The following SRGAP1 variants were observed in gnomAD, a reference collection of about 807,000 sequenced individuals.
The protein encoded by SRGAP1 is SLIT-ROBO Rho GTPase-activating protein 1.
A neutral mutation model predicts 121.9 loss-of-function variants in SRGAP1; 43 were observed. The ratio of observed to expected loss-of-function variants is 0.35; its 90% CI spans 0.28 to 0.46. The LOEUF is 0.46. SRGAP1 is among the 20% of genes least tolerant of loss of function. The pLI is 1.00. For synonymous variants in SRGAP1, 447 were observed against 485.4 expected, an observed-to-expected ratio of 0.92 and a Z score of 1.04; for missense variants, 1,102 against 1,350.9, an observed-to-expected ratio of 0.82 and a Z score of 2.89.
rs577007456 is a variant in SRGAP1, at chr12:64,020,614, G to A, written c.489+3602G>A. Among the ~76,000 whole-genome samples, 244 of 152,198 alleles carry A rather than the reference G, an allele frequency of 1.6e-3. 1 individual carries two copies. Among genetic ancestry groups the A allele is most frequent in the African/African-American group, 5.3e-3 (218 of 41,520 alleles). On this transcript the variant is annotated intron_variant, in intron 4 of 21. Coordinates refer to ENST00000355086, the MANE Select transcript of SRGAP1 (RefSeq NM_020762.4). The stretch of plus-strand genomic sequence containing the variant: ...TCCCAGAGCTTTGGGAGGCCAAGGC[G>A]GGTGGATCACCTGAGGTCAGGAGTT...
chr12:64,112,235 G>A (rs1052512553), intron 17 of SRGAP1, among the ~76,000 whole-genome samples: 4 of 152,030 alleles, frequency 2.6e-5, no homozygotes, highest in African/African-American at 9.7e-5. Context: ...AGACAAAAAG[G>A]GTTTTGATGT....
intron 21 of SRGAP1, among the ~76,000 whole-genome samples, chr12:64,128,907 T>G (rs1220389060): frequency 6.6e-6 from 1 of 152,102 alleles, no homozygotes; most frequent in Non-Finnish European, 1.5e-5. Context: ...ACTAATAAAT[T>G]TGCCCATCAT....
chr12:64,033,784 G>A (rs983214386), intron 4 of SRGAP1, among the ~76,000 whole-genome samples: 8 of 152,058 alleles, frequency 5.3e-5, no homozygotes, highest in Admixed American at 2.6e-4. Context: ...CACTTTGGGA[G>A]GCCAAGGCAG....
Position 64,160,384 on chromosome 12 carries a change from A to T in SRGAP1, c.*17712A>T, listed in dbSNP as rs2037200510. ...ATTGTGATAGTCTGGCTGAGTATAA[A>T]ATCTTACTTAGGATGTTAACTTAAA... On this transcript the variant is annotated 3_prime_UTR_variant, in exon 22 of 22. Transcript: ENST00000355086. 3 of 152,204 alleles carry T rather than the reference A, an allele frequency of 2.0e-5. No individual in the cohort carries two copies. The highest frequency in any genetic ancestry group is 6.5e-5 in the Admixed American group (1 of 15,274). The allele number at this position is 152,204 out of a possible 1,614,324, so 9.4% of individuals were successfully genotyped here.
chr12:64,095,394 A>G (rs550495256), intron 14 of SRGAP1, among the ~76,000 whole-genome samples, 190 bp downstream of exon 14: 2 of 152,330 alleles, frequency 1.3e-5, no homozygotes, highest in South Asian at 4.1e-4. Context: ...TTGTTATTAA[A>G]ATTAGAAAAG....
chr12:63,904,339 C>G (rs1266564731), intron 1 of SRGAP1, among the ~76,000 whole-genome samples: 2 of 152,104 alleles, frequency 1.3e-5, no homozygotes, highest in African/African-American at 2.4e-5. Flanking sequence ...ATGTGCAACT[C>G]CCGTGTTGTG....
In SRGAP1 at chr12:64,012,636, T is replaced by C. The variant is rs956749509; in HGVS notation, c.427-4314T>C. Reference sequence around the variant, plus strand: ...TGTATGCTCACAGCTCACTGCAGCCTCGAACTCTTAGGTTCAAGAGATCCT... The same window carrying C: ...TGTATGCTCACAGCTCACTGCAGCCCCGAACTCTTAGGTTCAAGAGATCCT... On this transcript the variant is annotated intron_variant, in intron 3 of 21. Coordinates refer to ENST00000355086, the MANE Select transcript of SRGAP1 (RefSeq NM_020762.4). Among the ~76,000 whole-genome samples, 7 of 130,926 alleles carry C rather than the reference T, an allele frequency of 5.3e-5. No individual in the cohort carries two copies. In the East Asian group the frequency reaches 1.5e-3, roughly 28 times the overall value. The allele number at this position is 130,926 out of a possible 152,430, so 85.9% of individuals were successfully genotyped here. A position where few individuals can be genotyped will look rare whatever the true frequency, so the allele number is the denominator to read the frequency against.
At chr12:64,021,855 A>G (rs948525167) in intron 4 of SRGAP1, among the ~76,000 whole-genome samples, 2 of 152,234 alleles carry the variant, frequency 1.3e-5, no homozygotes, top group Non-Finnish European at 2.9e-5. Context: ...CATTGGCTAA[A>G]AGTGAAAGGG....
chr12:63,945,818 A>G (rs958029107), intron 1 of SRGAP1, among the ~76,000 whole-genome samples: 2 of 152,208 alleles, frequency 1.3e-5, no homozygotes. Flanking sequence ...GGTATGAGCC[A>G]TTCACAGCCA....
chr12:63,880,931 T>C (rs1040580060), intron 1 of SRGAP1, among the ~76,000 whole-genome samples: 5 of 152,152 alleles, frequency 3.3e-5, no homozygotes, highest in Admixed American at 6.5e-5. Context: ...TTCCTTTATC[T>C]GCACACTCTT....
At chr12:63,909,608 C>T (rs192114871) in intron 1 of SRGAP1, among the ~76,000 whole-genome samples, 3 of 152,326 alleles carry the variant, frequency 2.0e-5, no homozygotes, top group Admixed American at 1.3e-4. Flanking sequence ...GCTCTGCTGT[C>T]GTATTTATAC....
chr12:63,950,237 A>G (rs1272462494), intron 1 of SRGAP1, among the ~76,000 whole-genome samples: 1 of 152,088 alleles, frequency 6.6e-6, no homozygotes, highest in Non-Finnish European at 1.5e-5. Flanking sequence ...GCCTCCACAT[A>G]CCTTTTTAGA....
In SRGAP1 at chr12:63,946,293, CT is replaced by C. The variant is rs77103965; in HGVS notation, c.68-37641del. ...ATTTATGAATGGCTTCTTTTTTTTT[CT>C]TTTTTTTTTTTTACAGTTTTATGCA... On this transcript the variant is annotated intron_variant, in intron 1 of 21. Coordinates refer to ENST00000355086, the MANE Select transcript of SRGAP1 (RefSeq NM_020762.4). Among the ~76,000 whole-genome samples, 490 of 136,570 alleles carry C rather than the reference CT, an allele frequency of 3.6e-3. 3 individuals are homozygous for C. The highest frequency in any genetic ancestry group is 7.8e-3 in the African/African-American group (294 of 37,680). The allele number at this position is 136,570 out of a possible 152,430, so 89.6% of individuals were successfully genotyped here.
chr12:64,046,058 C>T (rs1185263534), intron 6 of SRGAP1, among the ~76,000 whole-genome samples: 2 of 152,120 alleles, frequency 1.3e-5, no homozygotes, highest in Non-Finnish European at 2.9e-5. Flanking sequence ...GAGTGAGCTG[C>T]AATGCCATGC....
chr12:64,046,509 A>C (rs951356225), intron 6 of SRGAP1, among the ~76,000 whole-genome samples: 1 of 152,316 alleles, frequency 6.6e-6, no homozygotes, highest in South Asian at 2.1e-4. Flanking sequence ...CACAAGTGGT[A>C]GGATCAAAAC....
chr12:63,946,571 ACT>A (rs1163466856), intron 1 of SRGAP1, among the ~76,000 whole-genome samples: 2 of 136,904 alleles, frequency 1.5e-5, no homozygotes, highest in Non-Finnish European at 3.1e-5. Context: ...ACAGAGTCTC[ACT>A]CTCTCTCTCG....
chr12:64,099,725 A>G (rs2036224658), intron 15 of SRGAP1, among the ~76,000 whole-genome samples: 1 of 152,228 alleles, frequency 6.6e-6, no homozygotes, highest in African/African-American at 2.4e-5. Context: ...CATCCTAGCC[A>G]AAAAGCTTAA....
At chr12:63,954,677 C>CAAAAAA (rs60508657) in intron 1 of SRGAP1, among the ~76,000 whole-genome samples, 4 of 104,614 alleles carry the variant, frequency 3.8e-5, no homozygotes, top group African/African-American at 1.1e-4. Context: ...GACTCCATCT[C>CAAAAAA]AAAAAAAAAA....
chr12:63,997,259 AC>A (rs1401444978), intron 3 of SRGAP1, among the ~76,000 whole-genome samples: 3 of 152,176 alleles, frequency 2.0e-5, no homozygotes, highest in African/African-American at 7.2e-5. Context: ...GAGTACAATA[AC>A]ATGCTATACA....
Sources: gnomAD v4.1 joint callset for allele counts (sites outside exome capture counted in the v4.1 genomes callset) on GRCh38, gnomAD v4.1.1 for gene constraint, MANE v1.5 for transcripts, NCBI Gene and HGNC (gene_info 2026-07-23, HGNC 2026-07-21) for gene names.